Variants in MYT1L observed in about 807,000 individuals in gnomAD.
MYT1L encodes the protein myelin transcription factor 1 like, also known as myelin transcription factor 1-like protein.
Under a neutral mutation model 126.7 loss-of-function variants are expected in MYT1L, and 12 were observed. The observed-to-expected ratio is 0.09, with a 90% CI of 0.06 to 0.15. The LOEUF (loss-of-function observed/expected upper bound fraction) is 0.15, where lower values mean the gene tolerates loss of function less well. Ranked by LOEUF, MYT1L falls within the 10% of genes least tolerant of loss-of-function variation. The probability of loss-of-function intolerance (pLI) is 1.00; values close to 1 mark genes in which losing one functional copy is unlikely to be tolerated. For missense variants in MYT1L, 979 were observed against 1,585.2 expected, an observed-to-expected ratio of 0.62 and a Z score of 6.49; for synonymous variants, 541 against 604.2, an observed-to-expected ratio of 0.90 and a Z score of 1.53.
In MYT1L at chr2:1,806,712, T is replaced by C. The variant is rs1379045868; in HGVS notation, c.3172+2364A>G. Reference sequence around the variant, plus strand: ...CCGCCCAGGTGGACCAGCCCAGGTGTGAATGGCCCCTCCTCTAGGATTGGC... The same window carrying C: ...CCGCCCAGGTGGACCAGCCCAGGTGCGAATGGCCCCTCCTCTAGGATTGGC... On this transcript the variant is annotated intron_variant, in intron 22 of 24. Transcript: ENST00000647738. The surrounding 1 kb of genome is among the most constrained non-coding windows in gnomAD (Gnocchi z 4.9). 2.6e-5 allele frequency among the ~76,000 whole-genome samples: 4 copies of C among 152,174 alleles called. No individual in the cohort carries two copies. Among genetic ancestry groups the C allele is most frequent in the Non-Finnish European group, 5.9e-5 (4 of 68,032 alleles).
intron 2 of MYT1L, among the ~76,000 whole-genome samples, chr2:2,209,362 G>T (rs897767753): frequency 6.6e-6 from 1 of 151,794 alleles, no homozygotes; most frequent in African/African-American, 2.4e-5. Context: ...TTCTATTTTT[G>T]TAACCATTAA....
At chr2:2,272,596 C>T (rs59695472) in intron 2 of MYT1L, among the ~76,000 whole-genome samples, 3,424 of 152,228 alleles carry the variant, frequency 0.022, 111 homozygotes, top group African/African-American at 0.078. Flanking sequence ...GCTTCTGCCT[C>T]GACTCCTTCA....
intron 4 of MYT1L, among the ~76,000 whole-genome samples, chr2:2,044,286 G>A (rs552469254): frequency 6.6e-6 from 1 of 152,122 alleles, no homozygotes; most frequent in Admixed American, 6.6e-5. Context: ...TTTCTGTCAC[G>A]ATACACCACA....
chr2:1,952,964 CTCCCTCCT>C (rs1318083263), intron 8 of MYT1L, among the ~76,000 whole-genome samples: 2 of 117,332 alleles, frequency 1.7e-5, no homozygotes, highest in African/African-American at 6.5e-5. Context: ...CCCTCCCTCC[CTCCCTCCT>C]TCCTTCCTTT....
chr2:1,808,973 T>G (rs2036155002), intron 22 of MYT1L, 103 bp downstream of exon 22: 1 of 1,035,048 alleles, frequency 9.7e-7, no homozygotes, highest in South Asian at 1.3e-5. Flanking sequence ...CCCTGCTTTC[T>G]AAGAAAAGTG....
chr2:1,808,965 C>G (rs1553394848), intron 22 of MYT1L, 111 bp downstream of exon 22: 5 of 961,258 alleles, frequency 5.2e-6, no homozygotes, highest in Non-Finnish European at 8.2e-6. Context: ...ATCTCTGCCC[C>G]TGCTTTCTAA....
intron 3 of MYT1L, among the ~76,000 whole-genome samples, chr2:2,075,483 G>A (rs2075118104): frequency 6.6e-6 from 1 of 152,178 alleles, no homozygotes; most frequent in Admixed American, 6.5e-5. Context: ...GAGAGGTTTT[G>A]AGGAATGTTC....
rs35014974 is a variant in MYT1L at position 2,101,909 on chromosome 2, A to G, written c.-303-47786T>C. ...TTTACCTTATGTGAAAGGGATCACCAGTCATAACCTTTCTTGAAAAGCAGG... is the reference window on the plus strand; with the variant it reads ...TTTACCTTATGTGAAAGGGATCACCGGTCATAACCTTTCTTGAAAAGCAGG... On this transcript the variant is annotated intron_variant, in intron 3 of 24. Transcript: ENST00000647738. Among the ~76,000 whole-genome samples the G allele has an allele frequency of 4.7e-3, 722 of 152,384 alleles. 2 individuals carry two copies. Among genetic ancestry groups the G allele is most frequent in the Non-Finnish European group, 8.2e-3 (556 of 68,036 alleles).
rs992662295 is a variant in MYT1L, at chr2:1,806,122, C to G, written c.3172+2954G>C. On this transcript the variant is annotated intron_variant, in intron 22 of 24. Transcript: ENST00000647738. This position sits in a 1 kb window ranked among gnomAD's most constrained non-coding sequence, Gnocchi z 4.9. ...GGTCCCTGGACCCTTCCTGGATTAG[C>G]TACACAGACATGGAAATGATGCCTG... Among the ~76,000 whole-genome samples, 6 of 152,138 alleles carry G rather than the reference C, an allele frequency of 3.9e-5. No homozygotes were observed. Among genetic ancestry groups the G allele is most frequent in the African/African-American group, 1.4e-4 (6 of 41,426 alleles).
At chr2:2,153,764 C>T (rs907904516) in intron 3 of MYT1L, among the ~76,000 whole-genome samples, 5 of 152,122 alleles carry the variant, frequency 3.3e-5, no homozygotes, top group Non-Finnish European at 7.4e-5. Flanking sequence ...GAAAGGAAGA[C>T]TCTCTGAGTG....
At chr2:1,978,059 T>C (rs1374746638) in intron 8 of MYT1L, among the ~76,000 whole-genome samples, 3 of 152,208 alleles carry the variant, frequency 2.0e-5, no homozygotes, top group African/African-American at 4.8e-5. Flanking sequence ...TTTCGTGGGG[T>C]CTCTCATTAG....
intron 21 of MYT1L, chr2:1,816,247 G>A (rs1285384007): frequency 6.6e-6 from 1 of 152,414 alleles, no homozygotes; most frequent in Non-Finnish European, 1.5e-5. Flanking sequence ...AGCTCAGGTA[G>A]TGTTTGGGGA....
At chr2:1,913,045 A>C (rs1470547901) in intron 11 of MYT1L, among the ~76,000 whole-genome samples, 2 of 152,216 alleles carry the variant, frequency 1.3e-5, no homozygotes, top group East Asian at 3.8e-4. Flanking sequence ...AGCAAGGTTT[A>C]CCTGAGGCCA....
chr2:2,259,484 A>G (rs1277709643), intron 2 of MYT1L, among the ~76,000 whole-genome samples: 1 of 152,006 alleles, frequency 6.6e-6, no homozygotes, highest in African/African-American at 2.4e-5. Context: ...CCTAATGTAT[A>G]TATATATCAC....
At chr2:2,076,365 G>A (rs767249749) in intron 3 of MYT1L, among the ~76,000 whole-genome samples, 4 of 152,162 alleles carry the variant, frequency 2.6e-5, no homozygotes, top group Non-Finnish European at 2.9e-5. Flanking sequence ...TTAAGGCAAC[G>A]CCTTCTCACA....
intron 14 of MYT1L, among the ~76,000 whole-genome samples, chr2:1,900,442 G>A (rs2050183115): frequency 6.6e-6 from 1 of 152,158 alleles, no homozygotes; most frequent in African/African-American, 2.4e-5. Context: ...TGGGACTACA[G>A]GCACCCGCCA....
At chr2:2,065,836 A>T (rs543428245) in intron 3 of MYT1L, among the ~76,000 whole-genome samples, 7 of 140,222 alleles carry the variant, frequency 5.0e-5, no homozygotes, top group Admixed American at 2.9e-4. Context: ...ACACACACAC[A>T]CACACACACA....
chr2:1,892,118 G>A lies in MYT1L; in HGVS notation c.2202C>T (p.Thr734=), dbSNP rs1283275282. The change falls in exon 15 of 25, where the codon ACC becomes ACT. Residue 734 remains threonine (T), a synonymous_variant. Coordinates refer to ENST00000647738, the MANE Select transcript of MYT1L (RefSeq NM_001303052.2). ...AGCGCGTGGACAGGTTGAGGATGGC[G>A]GTGGCCGCCATGTGGGCCGCCTCCA... ...HDMEAAHMAA[T]AILNLSTRCR... 3.2e-6 allele frequency: 5 copies of A among 1,546,538 alleles called. No homozygotes were observed. In the South Asian group the frequency reaches 4.8e-5, roughly 15 times the overall value.
chr2:2,004,239 AGGCGTTCTTTCC>A (rs2062817182), intron 4 of MYT1L, among the ~76,000 whole-genome samples: 3 of 132,210 alleles, frequency 2.3e-5, no homozygotes, highest in Admixed American at 1.5e-4. Context: ...TCTTTCCTGC[AGGCGTTCTTTCC>A]TGCAGGCGTT....
Sources: allele counts gnomAD v4.1 joint callset (sites outside exome capture counted in the v4.1 genomes callset), GRCh38; gene constraint gnomAD v4.1.1; non-coding constraint Gnocchi (gnomAD v3.1); transcripts MANE v1.5; gene names NCBI Gene and HGNC (gene_info 2026-07-23, HGNC 2026-07-21).